GRIK2: variants seen among roughly 807,000 people sequenced by gnomAD.
GRIK2 encodes glutamate receptor ionotropic, kainate 2.
GRIK2 carries 32 observed loss-of-function variants against 100.3 expected under a neutral mutation model. That is an observed-to-expected ratio of 0.32 (90% CI 0.24 to 0.43). GRIK2 has a LOEUF of 0.43. Ranked by LOEUF, GRIK2 falls within the 20% of genes least tolerant of loss-of-function variation. The probability of loss-of-function intolerance (pLI) is 1.00; values close to 1 mark genes in which losing one functional copy is unlikely to be tolerated. For missense variants in GRIK2, 843 were observed against 1,114.9 expected, an observed-to-expected ratio of 0.76 and a Z score of 3.47; for synonymous variants, 417 against 389.4, an observed-to-expected ratio of 1.07 and a Z score of -0.83.
At chr6:101,841,117 A>G (rs1783471991) in intron 10 of GRIK2, among the ~76,000 whole-genome samples, 2 of 152,144 alleles carry the variant, frequency 1.3e-5, no homozygotes, top group Non-Finnish European at 2.9e-5. Flanking sequence ...AAGAGAAACA[A>G]AACAGTACCT....
chr6:101,714,579 C>T (rs1217018040), intron 7 of GRIK2, among the ~76,000 whole-genome samples: 2 of 151,696 alleles, frequency 1.3e-5, no homozygotes, highest in Non-Finnish European at 3.0e-5. Flanking sequence ...TGGAGGCTCA[C>T]TTTAGAGATG....
At chr6:101,931,757 G>T (rs1028351331) in intron 14 of GRIK2, among the ~76,000 whole-genome samples, 1 of 152,040 alleles carries the variant, frequency 6.6e-6, no homozygotes. Flanking sequence ...AGGAGATAGT[G>T]GTTCTCACAT....
intron 2 of GRIK2, among the ~76,000 whole-genome samples, chr6:101,601,203 T>C (rs1393706166): frequency 1.3e-5 from 2 of 151,788 alleles, no homozygotes; most frequent in Non-Finnish European, 2.9e-5. Context: ...ACATGGTTTT[T>C]GGTTTTAAAT....
chr6:101,547,693 C>T (rs1487613674), intron 2 of GRIK2, among the ~76,000 whole-genome samples: 10 of 152,058 alleles, frequency 6.6e-5, no homozygotes, highest in Admixed American at 2.0e-4. Context: ...TGTATATGTG[C>T]CACATTTTCT....
At chr6:101,761,363 C>T (rs1346582939) in intron 7 of GRIK2, among the ~76,000 whole-genome samples, 1 of 151,020 alleles carries the variant, frequency 6.6e-6, no homozygotes, top group Admixed American at 6.6e-5. Flanking sequence ...CTTTTTTTTT[C>T]CCCATGCAGC....
chr6:101,665,230 C>G (rs985961264), intron 4 of GRIK2, among the ~76,000 whole-genome samples: 4 of 152,156 alleles, frequency 2.6e-5, no homozygotes, highest in African/African-American at 9.7e-5. Context: ...TCTCTGTCCA[C>G]TTCATTTTCC....
At chr6:101,757,612 C>A (rs1023444228) in intron 7 of GRIK2, among the ~76,000 whole-genome samples, 6 of 152,112 alleles carry the variant, frequency 3.9e-5, no homozygotes, top group Non-Finnish European at 2.9e-5. Context: ...AGCGATTCGC[C>A]TAAGGACATA....
chr6:101,975,140 T>C (rs1003818495), intron 14 of GRIK2, among the ~76,000 whole-genome samples: 4 of 151,682 alleles, frequency 2.6e-5, no homozygotes, highest in African/African-American at 9.7e-5. Context: ...AAAAGGAAAA[T>C]AGTAGAGAAA....
At chr6:101,572,722 A>G (rs954861591) in intron 2 of GRIK2, among the ~76,000 whole-genome samples, 1 of 148,318 alleles carries the variant, frequency 6.7e-6, no homozygotes, top group Non-Finnish European at 1.5e-5. Flanking sequence ...TCTACCATAG[A>G]AATTATTTTC....
At chr6:101,991,210 A>G (rs574565367) in intron 14 of GRIK2, among the ~76,000 whole-genome samples, 1 of 151,654 alleles carries the variant, frequency 6.6e-6, no homozygotes, top group African/African-American at 2.4e-5. Flanking sequence ...TTGAGACTTT[A>G]TCGTATGCCA....
intron 2 of GRIK2, among the ~76,000 whole-genome samples, chr6:101,580,067 T>G (rs1456057351): frequency 6.6e-6 from 1 of 152,040 alleles, no homozygotes; most frequent in African/African-American, 2.4e-5. Flanking sequence ...ATTCTACAAC[T>G]TTTTTTCTCA....
rs562090057 is a variant in GRIK2 at position 101,396,247 on chromosome 6, C to G, written c.-294+2410C>G. On this transcript the variant is annotated intron_variant, in intron 1 of 16. Transcript: ENST00000369134. ...TAGGGATGTAAATTTAGCATTCCCC[C>G]CCCCCCCAGGAAGTGAGTGAGTTTA... 2.3e-4 allele frequency among the ~76,000 whole-genome samples: 34 copies of G among 148,150 alleles called. 1 individual carries two copies. Among genetic ancestry groups the G allele is most frequent in the South Asian group, 1.8e-3 (8 of 4,328 alleles).
At chr6:101,416,361 T>G (rs1776140688) in intron 2 of GRIK2, among the ~76,000 whole-genome samples, 1 of 152,318 alleles carries the variant, frequency 6.6e-6, no homozygotes, top group East Asian at 1.9e-4. Context: ...GAGTGTGGCC[T>G]GCCTCTCCCT....
intron 7 of GRIK2, among the ~76,000 whole-genome samples, chr6:101,701,528 A>T (rs1363544081): frequency 6.6e-6 from 1 of 152,192 alleles, no homozygotes; most frequent in East Asian, 1.9e-4. Flanking sequence ...TTTTTTTACT[A>T]AATCAAAAGG....
At chr6:101,438,234 T>G (rs1769846212) in intron 2 of GRIK2, among the ~76,000 whole-genome samples, 1 of 152,048 alleles carries the variant, frequency 6.6e-6, no homozygotes, top group African/African-American at 2.4e-5. Flanking sequence ...GGACATGAAA[T>G]GGGCTTTAGA....
chr6:101,617,730 A>G (rs1779961716), intron 2 of GRIK2, among the ~76,000 whole-genome samples: 1 of 151,704 alleles, frequency 6.6e-6, no homozygotes, highest in African/African-American at 2.4e-5. Context: ...ATTTCAACTT[A>G]TCTTTTGGGG....
At chr6:101,435,940 G>T (rs1277815054) in intron 2 of GRIK2, among the ~76,000 whole-genome samples, 1 of 151,972 alleles carries the variant, frequency 6.6e-6, no homozygotes, top group Non-Finnish European at 1.5e-5. Flanking sequence ...AATTGCAGTG[G>T]CCTCCTAATT....
chr6:102,017,818 T>C (rs558043496), intron 14 of GRIK2, among the ~76,000 whole-genome samples: 11 of 152,192 alleles, frequency 7.2e-5, no homozygotes, highest in Non-Finnish European at 1.5e-5. Flanking sequence ...CGTCTACTAC[T>C]AAAACCATGA....
At chr6:101,879,229 G>A (rs1786077033) in intron 11 of GRIK2, among the ~76,000 whole-genome samples, 1 of 152,014 alleles carries the variant, frequency 6.6e-6, no homozygotes, top group African/African-American at 2.4e-5. Flanking sequence ...TGTACACAAA[G>A]AAAGACAAAG....
Sources: allele counts gnomAD v4.1 joint callset (sites outside exome capture counted in the v4.1 genomes callset), GRCh38; gene constraint gnomAD v4.1.1; transcripts MANE v1.5; gene names NCBI Gene and HGNC (gene_info 2026-07-23, HGNC 2026-07-21).